The following ELP3 variants were observed in gnomAD, a reference collection of about 807,000 sequenced individuals.
The protein encoded by ELP3 is elongator acetyltransferase complex subunit 3.
A neutral mutation model predicts 74.9 loss-of-function variants in ELP3; 56 were observed. The ratio of observed to expected loss-of-function variants is 0.75; its 90% CI spans 0.60 to 0.93. ELP3 has a LOEUF of 0.93. ELP3 is among the 40% of genes least tolerant of loss of function. ELP3 has a pLI of 0.00. For missense variants in ELP3, 573 were observed against 686.5 expected, an observed-to-expected ratio of 0.83 and a Z score of 1.85; for synonymous variants, 222 against 239.8, an observed-to-expected ratio of 0.93 and a Z score of 0.68.
intron 7 of ELP3, among the ~76,000 whole-genome samples, chr8:28,121,404 G>A (rs998806772): frequency 6.7e-6 from 1 of 148,738 alleles, no homozygotes; most frequent in Non-Finnish European, 1.5e-5. Context: ...ACTGCAACCT[G>A]TACCTTCTGG....
In ELP3 at chr8:28,189,770, C is replaced by A; in HGVS notation, c.*45C>A. The A allele has an allele frequency of 6.4e-7, 1 of 1,571,890 alleles. No homozygotes were observed. Among genetic ancestry groups the A allele is most frequent in the Non-Finnish European group, 8.8e-7 (1 of 1,141,980 alleles). On this transcript the variant is annotated 3_prime_UTR_variant, in exon 15 of 15. Transcript: ENST00000256398. The stretch of plus-strand genomic sequence containing the variant: ...TTCTGCAGTATCCTCCCTGGCAGAA[C>A]ACGGAGAATCAGGATTTCTTAAATA...
intron 3 of ELP3, 126 bp downstream of exon 3, chr8:28,100,092 T>TAGG (rs1811416512): frequency 1.4e-5 from 17 of 1,211,896 alleles, no homozygotes; most frequent in Non-Finnish European, 2.0e-5. Context: ...GTCCCTGTAT[T>TAGG]AGGATATGTG....
At chr8:28,156,331 T>C (rs1041696929) in intron 11 of ELP3, among the ~76,000 whole-genome samples, 1 of 152,206 alleles carries the variant, frequency 6.6e-6, no homozygotes, top group Non-Finnish European at 1.5e-5. Flanking sequence ...AGTTATTGAC[T>C]GAAGGAAAAG....
intron 14 of ELP3, among the ~76,000 whole-genome samples, chr8:28,182,082 G>T (rs1051158263): frequency 2.6e-5 from 4 of 152,038 alleles, no homozygotes; most frequent in African/African-American, 9.7e-5. Context: ...CTTATTTTTA[G>T]TGTCCAAAGG....
chr8:28,140,736 G>A (rs1438384102), intron 10 of ELP3, among the ~76,000 whole-genome samples: 3 of 152,154 alleles, frequency 2.0e-5, no homozygotes, highest in East Asian at 1.9e-4. Context: ...TCGCCATTTA[G>A]TATGGCCCCC....
At chr8:28,167,985 A>G (rs143989473) in intron 14 of ELP3, among the ~76,000 whole-genome samples, 1 of 152,352 alleles carries the variant, frequency 6.6e-6, no homozygotes, top group East Asian at 1.9e-4. Flanking sequence ...TTTGCTAGAT[A>G]ATGTATTAGC....
rs143596632 is a variant in ELP3, at chr8:28,147,291, G to A, written c.1101-8651G>A. ...TTCCCATCCCCTCTTCCCACTGCCT[G>A]TGGAGACAGTGCACCTGAAGCGTGG... On this transcript the variant is annotated intron_variant, in intron 10 of 14. Transcript: ENST00000256398. This position sits in a 1 kb window ranked among gnomAD's most constrained non-coding sequence, Gnocchi z 4.5. 6.6e-6 allele frequency among the ~76,000 whole-genome samples: 1 copy of A among 152,342 alleles called. No homozygotes were observed. The highest frequency in any genetic ancestry group is 1.5e-5 in the Non-Finnish European group (1 of 68,036).
At position 28,115,221 on chromosome 8, in the gene ELP3, A is replaced by G. The variant is rs150805027; in HGVS notation, c.617+2048A>G. Reference sequence around the variant, plus strand: ...GAGATGTCGGTGGGCTCTGAATGCAAGAGAAGTCTGAGCTGACGGTACGAA... The same window carrying G: ...GAGATGTCGGTGGGCTCTGAATGCAGGAGAAGTCTGAGCTGACGGTACGAA... On this transcript the variant is annotated intron_variant, in intron 7 of 14. Transcript: ENST00000256398. Among the ~76,000 whole-genome samples the G allele has an allele frequency of 1.7e-4, 19 of 110,508 alleles. No homozygotes were observed. The East Asian group carries it at 4.9e-3, about 28-fold the overall frequency. The allele number at this position is 110,508 out of a possible 152,430, so 72.5% of individuals were successfully genotyped here.
intron 4 of ELP3, 66 bp from the exon 5 acceptor site, chr8:28,107,847 G>T: frequency 1.6e-6 from 2 of 1,286,066 alleles, no homozygotes; most frequent in South Asian, 2.5e-5. Context: ...GATGGTAGAT[G>T]CTTGGAACTA....
At chr8:28,093,262 G>C (rs747877353) in intron 1 of ELP3, 29 bp downstream of exon 1, 2 of 1,612,504 alleles carry the variant, frequency 1.2e-6, no homozygotes, top group East Asian at 2.2e-5. Context: ...ATGGGGGAAA[G>C]GGGTGGTCCG....
At chr8:28,098,001 C>T (rs1457787680) in intron 2 of ELP3, among the ~76,000 whole-genome samples, 4 of 152,164 alleles carry the variant, frequency 2.6e-5, no homozygotes, top group Non-Finnish European at 4.4e-5. Flanking sequence ...CATCGCTGCA[C>T]ATCCTACTTT....
At chr8:28,168,544 G>C (rs1467081458) in intron 14 of ELP3, among the ~76,000 whole-genome samples, 3 of 152,204 alleles carry the variant, frequency 2.0e-5, no homozygotes, top group Admixed American at 2.0e-4. Flanking sequence ...GTTATATCAT[G>C]TGATTCCTAA....
chr8:28,117,835 T>C (rs921594504), intron 7 of ELP3, among the ~76,000 whole-genome samples: 1 of 152,244 alleles, frequency 6.6e-6, no homozygotes, highest in Non-Finnish European at 1.5e-5. Flanking sequence ...AGGGAAACTT[T>C]GTATTTGAGG....
chr8:28,100,543 G>C lies in ELP3; in HGVS notation c.258+577G>C, dbSNP rs77645823. On this transcript the variant is annotated intron_variant, in intron 3 of 14. Transcript: ENST00000256398. ...GGTGCACGCAGGAAATAGCGAGTAC[G>C]CCAGACTGAAGGGTGTTAACAGTTC... Among the ~76,000 whole-genome samples the C allele has an allele frequency of 7.3e-3, 1,111 of 152,346 alleles. 8 individuals are homozygous for C. The highest frequency in any genetic ancestry group is 0.016 in the Admixed American group (238 of 15,304).
intron 9 of ELP3, among the ~76,000 whole-genome samples, chr8:28,137,367 A>T (rs945473978): frequency 1.3e-5 from 2 of 152,174 alleles, no homozygotes; most frequent in African/African-American, 4.8e-5. Flanking sequence ...GATTAGCTAG[A>T]TAAAGAAAAA....
At chr8:28,186,903 A>G (rs1223982688) in intron 14 of ELP3, among the ~76,000 whole-genome samples, 1 of 152,160 alleles carries the variant, frequency 6.6e-6, no homozygotes, top group South Asian at 2.1e-4. Flanking sequence ...GGAGACAAAT[A>G]CCTAACCCAT....
At chr8:28,097,460 CT>C (rs11352232) in intron 2 of ELP3, 142 bp downstream of exon 2, 107,054 of 430,494 alleles carry the variant, frequency 0.25, 3,028 homozygotes, top group East Asian at 0.36. Flanking sequence ...TCATTCATTT[CT>C]TTTTTTTTTT....
chr8:28,111,829 A>G (rs1284726846), intron 6 of ELP3, among the ~76,000 whole-genome samples: 2 of 152,228 alleles, frequency 1.3e-5, no homozygotes, highest in African/African-American at 2.4e-5. Flanking sequence ...AACGTGTCAC[A>G]TCTTCACCTC....
chr8:28,138,708 A>G (rs567803081), intron 10 of ELP3, among the ~76,000 whole-genome samples: 12 of 152,322 alleles, frequency 7.9e-5, no homozygotes, highest in South Asian at 4.1e-4. Flanking sequence ...AACACTGAAA[A>G]CAAGCCGAAT....
Sources: allele counts gnomAD v4.1 joint callset (sites outside exome capture counted in the v4.1 genomes callset), GRCh38; gene constraint gnomAD v4.1.1; non-coding constraint Gnocchi (gnomAD v3.1); transcripts MANE v1.5; gene names NCBI Gene and HGNC (gene_info 2026-07-23, HGNC 2026-07-21).